ITM2B: variants seen among roughly 807,000 people sequenced by gnomAD.
ITM2B encodes the protein ABri/ADan amyloid peptide.
In ITM2B, 11 loss-of-function variants were observed where a neutral mutation model predicts 27.8. The ratio of observed to expected loss-of-function variants is 0.40; its 90% CI spans 0.25 to 0.66. The LOEUF is 0.66. Ranked by LOEUF, ITM2B falls within the 30% of genes least tolerant of loss-of-function variation. The probability of loss-of-function intolerance (pLI) is 0.43; values close to 1 mark genes in which losing one functional copy is unlikely to be tolerated. For missense variants in ITM2B, 296 were observed against 328.9 expected (o/e 0.90, Z 0.77); for synonymous variants, 114 against 114.3 (o/e 1.00, Z 0.02).
chr13:48,260,815 T>C (rs1951817597), intron 5 of ITM2B, among the ~76,000 whole-genome samples: 1 of 152,296 alleles, frequency 6.6e-6, no homozygotes, highest in African/African-American at 2.4e-5. Flanking sequence ...AGTGTGCAAC[T>C]CTGAGTTTCC....
intron 3 of ITM2B, among the ~76,000 whole-genome samples, chr13:48,257,905 A>G (rs986164207): frequency 1.3e-5 from 2 of 152,214 alleles, no homozygotes; most frequent in Admixed American, 1.3e-4. Context: ...TATTATAGAA[A>G]TATACCCTCG....
rs916540763 is a variant in ITM2B, at chr13:48,267,453, T to G, written c.*6229T>G. 5 of 152,304 alleles carry G rather than the reference T, an allele frequency of 3.3e-5. No individual in the cohort carries two copies. Among genetic ancestry groups the G allele is most frequent in the Non-Finnish European group, 7.4e-5 (5 of 68,020 alleles). The allele number at this position is 152,304 out of a possible 1,614,324, so 9.4% of individuals were successfully genotyped here. A position where few individuals can be genotyped will look rare whatever the true frequency, so the allele number is the denominator to read the frequency against. On this transcript the variant is annotated 3_prime_UTR_variant, in exon 6 of 6. Coordinates refer to ENST00000647800, the MANE Select transcript of ITM2B (RefSeq NM_021999.5). The stretch of plus-strand genomic sequence containing the variant: ...CTGTGAAATTTGAGAATCCTTCATG[T>G]CTCTGGAATGAGTCCCTAGATTCTA...
intron 4 of ITM2B, 32 bp from the exon 5 acceptor site, chr13:48,258,765 T>C (rs370211396): frequency 7.5e-6 from 12 of 1,604,814 alleles, no homozygotes; most frequent in Non-Finnish European, 1.0e-5. Context: ...TGTTCTGAGA[T>C]AGTCATGTCA....
chr13:48,250,331 C>T (rs973208626), intron 1 of ITM2B, among the ~76,000 whole-genome samples: 1 of 151,998 alleles, frequency 6.6e-6, no homozygotes, highest in Admixed American at 6.6e-5. Flanking sequence ...AAAAATAGAT[C>T]TAAGTTGGCC....
chr13:48,234,251 A>C (rs1951654030), intron 1 of ITM2B, among the ~76,000 whole-genome samples: 4 of 152,174 alleles, frequency 2.6e-5, no homozygotes, highest in Admixed American at 2.6e-4. Flanking sequence ...CCTTTATTTT[A>C]CAAAATCTCC....
At position 48,264,688 on chromosome 13, in the gene ITM2B, A is replaced by G. The variant is rs557170942; in HGVS notation, c.*3464A>G. ...AAGGACTTCATGTGTATCTATTTAG[A>G]AAAAGAACATTTCTTCATTTCCACA... On this transcript the variant is annotated 3_prime_UTR_variant, in exon 6 of 6. Coordinates refer to ENST00000647800, the MANE Select transcript of ITM2B (RefSeq NM_021999.5). The G allele has an allele frequency of 2.6e-5, 4 of 152,294 alleles. No homozygotes were observed. In the South Asian group the frequency reaches 8.3e-4, roughly 32 times the overall value. 9.4% of individuals were successfully genotyped at this position (152,294 alleles called of 1,614,324 possible).
chr13:48,235,764 A>G (rs1193375293), intron 1 of ITM2B, among the ~76,000 whole-genome samples: 1 of 152,232 alleles, frequency 6.6e-6, no homozygotes, highest in Non-Finnish European at 1.5e-5. Context: ...GGTTGGTTGA[A>G]AGAATCAAAC....
chr13:48,249,635 G>A (rs1951742073), intron 1 of ITM2B, among the ~76,000 whole-genome samples: 1 of 152,048 alleles, frequency 6.6e-6, no homozygotes, highest in African/African-American at 2.4e-5. Flanking sequence ...AGGATCTCTA[G>A]TACAGTGTTC....
In ITM2B at chr13:48,261,471, GGTA is replaced by G. The variant is rs1190531405; in HGVS notation, c.*252_*254del. On this transcript the variant is annotated 3_prime_UTR_variant, in exon 6 of 6. Transcript: ENST00000647800. ...ATAGATAATAGTACATGTCACCTTA[GGTA>G]GTAGGAAGAATTACAATTTCTTTAA... 5 of 321,944 alleles carry G rather than the reference GGTA, an allele frequency of 1.6e-5. No individual in the cohort carries two copies. The highest frequency in any genetic ancestry group is 1.7e-5 in the Non-Finnish European group (3 of 175,572). The allele number at this position is 321,944 out of a possible 1,614,324, so 19.9% of individuals were successfully genotyped here.
chr13:48,253,279 T>C (rs1951764779), intron 1 of ITM2B, among the ~76,000 whole-genome samples: 1 of 152,212 alleles, frequency 6.6e-6, no homozygotes, highest in Admixed American at 6.5e-5. Flanking sequence ...TCATTGTTTG[T>C]TCTTTTCCTT....
chr13:48,242,234 A>G (rs1055684552), intron 1 of ITM2B, among the ~76,000 whole-genome samples: 2 of 152,216 alleles, frequency 1.3e-5, no homozygotes, highest in East Asian at 3.9e-4. Context: ...TTCTTGTATA[A>G]CAACTTTTTA....
intron 2 of ITM2B, 98 bp downstream of exon 2, chr13:48,254,034 CTTTT>C: frequency 8.5e-7 from 1 of 1,182,152 alleles, no homozygotes; most frequent in Non-Finnish European, 1.2e-6. Context: ...TAAGCTTGTA[CTTTT>C]TATCTGTGAC....
At chr13:48,245,694 A>T (rs1951720513) in intron 1 of ITM2B, among the ~76,000 whole-genome samples, 2 of 151,236 alleles carry the variant, frequency 1.3e-5, no homozygotes, top group Non-Finnish European at 2.9e-5. Context: ...TTTTCATTCT[A>T]TATTACTGCT....
Position 48,265,057 on chromosome 13 carries a change from G to A in ITM2B, c.*3833G>A, listed in dbSNP as rs1951844667. On this transcript the variant is annotated 3_prime_UTR_variant, in exon 6 of 6. Transcript: ENST00000647800. ...AGGGGTCAAAATTGAGACCTAAGTG[G>A]TATAAAACAAGATAATCCTAGCTTC... 1.3e-5 allele frequency: 2 copies of A among 152,192 alleles called. No individual in the cohort carries two copies. The highest frequency in any genetic ancestry group is 4.1e-4 in the South Asian group (2 of 4,826). The allele number at this position is 152,192 out of a possible 1,614,324, so 9.4% of individuals were successfully genotyped here. A position where few individuals can be genotyped will look rare whatever the true frequency, so the allele number is the denominator to read the frequency against.
At chr13:48,246,567 T>A (rs973273023) in intron 1 of ITM2B, among the ~76,000 whole-genome samples, 5 of 152,244 alleles carry the variant, frequency 3.3e-5, no homozygotes, top group African/African-American at 1.2e-4. Flanking sequence ...GTCCTTTTGA[T>A]GCTTTCATAC....
chr13:48,261,470 A>C lies in ITM2B; in HGVS notation c.*246A>C. 3.1e-6 allele frequency: 1 copy of C among 327,024 alleles called. No individual in the cohort carries two copies. The highest frequency in any genetic ancestry group is 6.4e-5 in the South Asian group (1 of 15,616). The allele number at this position is 327,024 out of a possible 1,614,324, so 20.3% of individuals were successfully genotyped here. A position where few individuals can be genotyped will look rare whatever the true frequency, so the allele number is the denominator to read the frequency against. Reference sequence around the variant, plus strand: ...CATAGATAATAGTACATGTCACCTTAGGTAGTAGGAAGAATTACAATTTCT... The same window carrying C: ...CATAGATAATAGTACATGTCACCTTCGGTAGTAGGAAGAATTACAATTTCT... On this transcript the variant is annotated 3_prime_UTR_variant, in exon 6 of 6. Coordinates refer to ENST00000647800, the MANE Select transcript of ITM2B (RefSeq NM_021999.5).
At chr13:48,253,087 A>G (rs1012301042) in intron 1 of ITM2B, among the ~76,000 whole-genome samples, 1 of 152,216 alleles carries the variant, frequency 6.6e-6, no homozygotes, top group Admixed American at 6.5e-5. Context: ...TGAATTTATC[A>G]GTAAATTTTT....
rs1005822110 is a variant in ITM2B, at chr13:48,269,612, A to G, written c.*8388A>G. ...CTTTCCTTTGAACGTACCAAGGGCA[A>G]TCCTGCTTCAGAGCCTTTGCACTTG... On this transcript the variant is annotated 3_prime_UTR_variant, in exon 6 of 6. Transcript: ENST00000647800. 30 of 152,360 alleles carry G rather than the reference A, an allele frequency of 2.0e-4. No individual in the cohort carries two copies. The highest frequency in any genetic ancestry group is 7.0e-4 in the African/African-American group (29 of 41,406). 9.4% of individuals were successfully genotyped at this position (152,360 alleles called of 1,614,324 possible).
At chr13:48,234,637 A>G (rs1034872980) in intron 1 of ITM2B, among the ~76,000 whole-genome samples, 1 of 152,172 alleles carries the variant, frequency 6.6e-6, no homozygotes, top group African/African-American at 2.4e-5. Context: ...TAGACATCAT[A>G]TTATAATTTA....
Sources: allele counts gnomAD v4.1 joint callset (sites outside exome capture counted in the v4.1 genomes callset), GRCh38; gene constraint gnomAD v4.1.1; transcripts MANE v1.5; gene names NCBI Gene and HGNC (gene_info 2026-07-23, HGNC 2026-07-21).